LDB2: variants seen among roughly 807,000 people sequenced by gnomAD.
LDB2 encodes LIM domain binding 2.
Under a neutral mutation model 44.3 loss-of-function variants are expected in LDB2, and 12 were observed. The observed-to-expected ratio is 0.27, with a 90% CI of 0.17 to 0.44. LDB2 has a LOEUF of 0.44. Among genes scored for constraint, LDB2 ranks in the 20% least tolerant of loss-of-function variants. The pLI, the probability that LDB2 is intolerant of heterozygous loss-of-function variation, is 1.00. For synonymous variants in LDB2, 164 were observed against 174.8 expected (o/e 0.94, Z 0.49); for missense variants, 344 against 473.5 (o/e 0.73, Z 2.54).
chr4:16,712,899 T>C (rs1756235340), intron 2 of LDB2, among the ~76,000 whole-genome samples: 1 of 152,242 alleles, frequency 6.6e-6, no homozygotes, highest in South Asian at 2.1e-4. Context: ...TAAAGACTTA[T>C]ACACTGATGT....
intron 2 of LDB2, among the ~76,000 whole-genome samples, chr4:16,719,584 A>G (rs994811286): frequency 6.6e-6 from 1 of 152,048 alleles, no homozygotes; most frequent in Non-Finnish European, 1.5e-5. Flanking sequence ...GGACCACGGT[A>G]ATTTTAGCTA....
chr4:16,508,435 ATTT>A, intron 7 of LDB2, 97 bp downstream of exon 7: 22 of 841,208 alleles, frequency 2.6e-5, no homozygotes, highest in East Asian at 3.7e-5. Flanking sequence ...CCTGCCCAGG[ATTT>A]TTTTTTTTTT....
At chr4:16,600,763 G>A (rs775739858) in intron 2 of LDB2, among the ~76,000 whole-genome samples, 41 of 152,056 alleles carry the variant, frequency 2.7e-4, no homozygotes, top group Non-Finnish European at 4.9e-4. Context: ...GTGTGGTGGA[G>A]GCAGGATCTA....
At chr4:16,508,261 T>A (rs1405964903) in intron 7 of LDB2, among the ~76,000 whole-genome samples, 1 of 152,150 alleles carries the variant, frequency 6.6e-6, no homozygotes, top group Non-Finnish European at 1.5e-5. Flanking sequence ...AAGTGACATA[T>A]CTCCTGTCTG....
intron 2 of LDB2, among the ~76,000 whole-genome samples, chr4:16,666,742 G>A (rs374716607): frequency 1.3e-5 from 2 of 152,330 alleles, no homozygotes; most frequent in Admixed American, 6.5e-5. Flanking sequence ...GAAGAGAATC[G>A]TGGTATTTGA....
chr4:16,690,616 G>GT (rs1750520857), intron 2 of LDB2, among the ~76,000 whole-genome samples: 1 of 151,680 alleles, frequency 6.6e-6, no homozygotes, highest in Admixed American at 6.6e-5. Flanking sequence ...AAGATGTATG[G>GT]TTTTTTATAC....
chr4:16,797,788 G>C (rs1022591038), intron 1 of LDB2, among the ~76,000 whole-genome samples: 1 of 151,920 alleles, frequency 6.6e-6, no homozygotes, highest in African/African-American at 2.4e-5. Flanking sequence ...TGTAATCCCA[G>C]CATTTTAGGA....
intron 2 of LDB2, among the ~76,000 whole-genome samples, chr4:16,616,341 C>G (rs1049737271): frequency 5.9e-5 from 9 of 151,948 alleles, no homozygotes; most frequent in Non-Finnish European, 1.2e-4. Context: ...TTAAATAACA[C>G]AGAAAACACC....
chr4:16,585,014 T>C (rs1057488456), intron 5 of LDB2, among the ~76,000 whole-genome samples: 1 of 152,192 alleles, frequency 6.6e-6, no homozygotes. Context: ...GCATCTTCCC[T>C]GTTTTAAGCG....
chr4:16,540,681 T>C (rs542445937), intron 5 of LDB2, among the ~76,000 whole-genome samples: 1 of 152,108 alleles, frequency 6.6e-6, no homozygotes, highest in African/African-American at 2.4e-5. Context: ...TCAGGAAGAG[T>C]CTGGCACAAA....
chr4:16,669,695 G>C (rs1744223607), intron 2 of LDB2, among the ~76,000 whole-genome samples: 1 of 152,208 alleles, frequency 6.6e-6, no homozygotes, highest in South Asian at 2.1e-4. Context: ...ACTAATTAGT[G>C]ACAGAGCCAG....
At chr4:16,755,384 T>G (rs1248708649) in intron 2 of LDB2, among the ~76,000 whole-genome samples, 1 of 151,978 alleles carries the variant, frequency 6.6e-6, no homozygotes, top group Admixed American at 6.6e-5. Flanking sequence ...GGACAGTAAT[T>G]ATTTGGGACC....
At chr4:16,753,035 C>T (rs1376852315) in intron 2 of LDB2, among the ~76,000 whole-genome samples, 1 of 152,330 alleles carries the variant, frequency 6.6e-6, no homozygotes, top group East Asian at 1.9e-4. Context: ...TTCAGGTGGA[C>T]ACCACAAAGG....
At chr4:16,664,630 T>A (rs1384038382) in intron 2 of LDB2, among the ~76,000 whole-genome samples, 1 of 152,240 alleles carries the variant, frequency 6.6e-6, no homozygotes, top group East Asian at 1.9e-4. Flanking sequence ...TTCATTACTT[T>A]TGTAAATGTG....
chr4:16,546,875 C>G (rs1423513861), intron 5 of LDB2, among the ~76,000 whole-genome samples: 3 of 152,168 alleles, frequency 2.0e-5, no homozygotes, highest in South Asian at 4.1e-4. Context: ...TTAGCTGTCT[C>G]TCCCCCAGTG....
intron 1 of LDB2, among the ~76,000 whole-genome samples, chr4:16,796,848 C>T (rs1394649819): frequency 2.0e-5 from 3 of 152,138 alleles, no homozygotes; most frequent in African/African-American, 4.8e-5. Flanking sequence ...ATGAGAAGAA[C>T]AGCAGACACG....
At chr4:16,763,451 C>CACAA (rs1424890558) in intron 1 of LDB2, among the ~76,000 whole-genome samples, 2 of 151,402 alleles carry the variant, frequency 1.3e-5, no homozygotes, top group Non-Finnish European at 1.5e-5. Context: ...CACACACACA[C>CACAA]ACACACACAC....
At chr4:16,704,199 C>G (rs549364729) in intron 2 of LDB2, among the ~76,000 whole-genome samples, 1 of 152,162 alleles carries the variant, frequency 6.6e-6, no homozygotes, top group East Asian at 1.9e-4. Flanking sequence ...TCCAGAACTA[C>G]AAAAACCCCT....
intron 5 of LDB2, among the ~76,000 whole-genome samples, chr4:16,568,768 T>TA (rs1489050878): frequency 6.6e-6 from 1 of 152,234 alleles, no homozygotes; most frequent in South Asian, 2.1e-4. Context: ...TCTGTAGTTT[T>TA]AAAAAATCCA....
Sources: allele counts gnomAD v4.1 joint callset (sites outside exome capture counted in the v4.1 genomes callset), GRCh38; gene constraint gnomAD v4.1.1; transcripts MANE v1.5; gene names NCBI Gene and HGNC (gene_info 2026-07-23, HGNC 2026-07-21).